Variants in FARS2 observed in about 807,000 individuals in gnomAD.
FARS2 encodes the protein phenylalanyl-tRNA synthetase 2, mitochondrial.
In FARS2, 40 loss-of-function variants were observed where a neutral mutation model predicts 46.4. The ratio of observed to expected loss-of-function variants is 0.86; its 90% CI spans 0.67 to 1.12. FARS2 has a LOEUF of 1.12. Among genes scored for constraint, FARS2 ranks in the 50% most tolerant of loss-of-function variants. The probability of loss-of-function intolerance (pLI) is 0.00; values close to 1 mark genes in which losing one functional copy is unlikely to be tolerated. For synonymous variants in FARS2, 234 were observed against 214.9 expected, an observed-to-expected ratio of 1.09 and a Z score of -0.78; for missense variants, 513 against 567.9, an observed-to-expected ratio of 0.90 and a Z score of 0.98.
At chr6:5,592,145 G>A (rs1414920767) in intron 5 of FARS2, among the ~76,000 whole-genome samples, 1 of 152,192 alleles carries the variant, frequency 6.6e-6, no homozygotes, top group Non-Finnish European at 1.5e-5. Flanking sequence ...AGCACTTTGG[G>A]AGGCCAAGGT....
chr6:5,466,948 C>A (rs1765547750), intron 4 of FARS2: 11 of 985,324 alleles, frequency 1.1e-5, no homozygotes, highest in Non-Finnish European at 1.2e-5. Context: ...ACTAGCACAG[C>A]CTGTGCAGGA....
intron 3 of FARS2, among the ~76,000 whole-genome samples, chr6:5,420,924 C>T (rs1185883962): frequency 6.8e-6 from 1 of 147,886 alleles, no homozygotes; most frequent in Non-Finnish European, 1.5e-5. Context: ...CAGACCCATT[C>T]TGGGGTCTGG....
At chr6:5,430,586 A>G (rs1478769425) in intron 3 of FARS2, among the ~76,000 whole-genome samples, 1 of 151,672 alleles carries the variant, frequency 6.6e-6, no homozygotes, top group Non-Finnish European at 1.5e-5. Context: ...ATATTTATAT[A>G]TACTTATGGA....
chr6:5,771,347 T>C lies in FARS2; in HGVS notation c.1274T>C (p.Leu425Pro). ...ACGTACCGCCACATGGAACGGACTC[T>C]GTCCCAGAGAGAGGTCAGGCACATC... ...RITYRHMERTLSQREVRHIHQ... is the reference protein window; with the variant it reads ...RITYRHMERTPSQREVRHIHQ... The change falls in exon 7 of 7, where the codon CTG becomes CCG. Residue 425 changes from leucine to proline, a missense_variant. Leu to Pro is a moderately conservative substitution (Grantham distance 98). Transcript: ENST00000274680. 1 of 1,614,156 alleles carries C rather than the reference T, an allele frequency of 6.2e-7. No homozygotes were observed. The highest frequency in any genetic ancestry group is 8.5e-7 in the Non-Finnish European group (1 of 1,179,972).
chr6:5,736,241 G>T, intron 6 of FARS2, among the ~76,000 whole-genome samples: 1 of 152,274 alleles, frequency 6.6e-6, no homozygotes, highest in Non-Finnish European at 1.5e-5. Context: ...GATTCCCCAG[G>T]GAGTGACCCA....
intron 6 of FARS2, among the ~76,000 whole-genome samples, chr6:5,760,858 G>T (rs761688328): frequency 6.6e-6 from 1 of 152,182 alleles, no homozygotes; most frequent in Non-Finnish European, 1.5e-5. Context: ...TGCTCTGATC[G>T]CTCCTGGACA....
At chr6:5,611,240 G>A (rs1775166440) in intron 5 of FARS2, among the ~76,000 whole-genome samples, 1 of 152,222 alleles carries the variant, frequency 6.6e-6, no homozygotes, top group Non-Finnish European at 1.5e-5. Flanking sequence ...CAGGGTGGCT[G>A]AGGGCCAGAA....
intron 4 of FARS2, chr6:5,452,455 A>T (rs1764552811): frequency 6.6e-6 from 1 of 152,258 alleles, no homozygotes; most frequent in African/African-American, 2.4e-5. Flanking sequence ...GGAACTGTTG[A>T]ATGTGCCATG....
chr6:5,648,425 C>T (rs62385478), intron 6 of FARS2, among the ~76,000 whole-genome samples: 3,599 of 152,290 alleles, frequency 0.024, 56 homozygotes, highest in Middle Eastern at 0.048. Context: ...CTCTCCCTAC[C>T]TGGGATGCTG....
In FARS2 at chr6:5,613,170, C is replaced by T. The variant is rs773881680; in HGVS notation, c.1067C>T (p.Pro356Leu). The change falls in exon 6 of 7, where the codon CCT (proline) becomes CTT (leucine). Residue 356 changes from proline (P) to leucine (L), a missense_variant and splice_region_variant. Transcript: ENST00000274680. ...TCTTTTCTCCTCTTGTTTTGTTAGC[C>T]TCTTAGCAAATATCCGGCTGTGATC... ...SNINQKVKFQ[P>L]LSKYPAVIND... 1.2e-6 allele frequency: 2 copies of T among 1,611,086 alleles called. No homozygotes were observed. The highest frequency in any genetic ancestry group is 2.2e-5 in the East Asian group (1 of 44,688).
rs58377881 is a variant in FARS2 at position 5,660,650 on chromosome 6, GAAAAAA to G, written c.1217+47344_1217+47349del. Among the ~76,000 whole-genome samples the G allele has an allele frequency of 7.7e-4, 80 of 104,130 alleles. 1 individual carries two copies. Among genetic ancestry groups the G allele is most frequent in the Admixed American group, 2.0e-4 (2 of 9,904 alleles). 68.3% of individuals were successfully genotyped at this position (104,130 alleles called of 152,430 possible). A position where few individuals can be genotyped will look rare whatever the true frequency, so the allele number is the denominator to read the frequency against. Reference sequence around the variant, plus strand: ...GACAATAGAGTGAGACCCTGTCTCAGAAAAAAAAAAAAAAAAAAAGTAACAGTGAGC... The same window carrying G: ...GACAATAGAGTGAGACCCTGTCTCAGAAAAAAAAAAAAAGTAACAGTGAGC... On this transcript the variant is annotated intron_variant, in intron 6 of 6. Transcript: ENST00000274680.
chr6:5,594,958 G>A (rs59856248), intron 5 of FARS2, among the ~76,000 whole-genome samples: 2,337 of 152,266 alleles, frequency 0.015, 68 homozygotes, highest in East Asian at 0.12. Flanking sequence ...TCCTCTGTCC[G>A]GCCGGCAGCC....
At chr6:5,333,727 T>C (rs905703568) in intron 1 of FARS2, among the ~76,000 whole-genome samples, 2 of 152,212 alleles carry the variant, frequency 1.3e-5, no homozygotes, top group African/African-American at 4.8e-5. Flanking sequence ...TTCTCTTGTT[T>C]GACTGGCCTG....
At chr6:5,395,077 G>A (rs1399468481) in intron 2 of FARS2, among the ~76,000 whole-genome samples, 2 of 152,100 alleles carry the variant, frequency 1.3e-5, no homozygotes, top group Non-Finnish European at 2.9e-5. Context: ...TTGAGACAGA[G>A]TCTCGCTCTG....
intron 4 of FARS2, among the ~76,000 whole-genome samples, chr6:5,493,321 T>C (rs73356332): frequency 0.087 from 13,197 of 152,274 alleles, 785 homozygotes; most frequent in African/African-American, 0.15. Flanking sequence ...TTATTCCTCT[T>C]TTCTCCACTT....
At chr6:5,737,815 C>T (rs1177705603) in intron 6 of FARS2, among the ~76,000 whole-genome samples, 1 of 152,202 alleles carries the variant, frequency 6.6e-6, no homozygotes, top group Non-Finnish European at 1.5e-5. Context: ...GGAGAGGGAG[C>T]AGCCATCTTG....
the FARS2 span, among the ~76,000 whole-genome samples, chr6:5,253,560 G>A: frequency 9.2e-5 from 14 of 152,140 alleles, no homozygotes; most frequent in East Asian, 7.7e-4. Flanking sequence ...GACAACTTGC[G>A]ACAACTCATT....
chr6:5,754,309 G>A (rs1762099467), intron 6 of FARS2, among the ~76,000 whole-genome samples: 1 of 152,206 alleles, frequency 6.6e-6, no homozygotes, highest in Non-Finnish European at 1.5e-5. Flanking sequence ...GTTCCAGGGA[G>A]TAGTCGGATC....
Position 5,677,710 on chromosome 6 carries a change from C to T in FARS2, c.1217+64390C>T, listed in dbSNP as rs114701428. 3.9e-3 allele frequency among the ~76,000 whole-genome samples: 596 copies of T among 152,290 alleles called. 4 individuals carry two copies. Among genetic ancestry groups the T allele is most frequent in the African/African-American group, 0.014 (581 of 41,536 alleles). On this transcript the variant is annotated intron_variant, in intron 6 of 6. Coordinates refer to ENST00000274680, the MANE Select transcript of FARS2 (RefSeq NM_006567.5). ...GTCAAAGGCAAGAGTCATTGTTCTT[C>T]CCTGTGAGCTTATATAACAGAGTGT...
Sources: gnomAD v4.1 joint callset for allele counts (sites outside exome capture counted in the v4.1 genomes callset) on GRCh38, gnomAD v4.1.1 for gene constraint, MANE v1.5 for transcripts, NCBI Gene and HGNC (gene_info 2026-07-23, HGNC 2026-07-21) for gene names.